The following BFSP1 variants were observed in gnomAD, a reference collection of about 807,000 sequenced individuals.
The protein encoded by BFSP1 is filensin.
A neutral mutation model predicts 43.9 loss-of-function variants in BFSP1; 38 were observed. The observed-to-expected ratio is 0.87, with a 90% confidence interval of 0.67 to 1.14. The LOEUF (loss-of-function observed/expected upper bound fraction) is 1.14. Ranked by LOEUF, BFSP1 falls within the 50% of genes most tolerant of loss-of-function variation. BFSP1 has a pLI of 0.00. For synonymous variants in BFSP1, 352 were observed against 354.8 expected (o/e 0.99, Z 0.09); for missense variants, 850 against 875.1 (o/e 0.97, Z 0.36).
At position 17,531,010 on chromosome 20, in the gene BFSP1, G is replaced by A; in HGVS notation, c.320C>T (p.Ala107Val). Reference protein sequence around the residue: ...QRVRDLEAERARLERQGTEAQ... With the variant: ...QRVRDLEAERVRLERQGTEAQ... ...CTCGGTGCCCTGGCGCTCCAGCCGG[G>A]CGCGCTCGGCCTCCAGGTCCCGGAC... is the stretch of plus-strand genomic sequence containing the variant. Residue 107 changes from alanine (A) to valine (V), a missense_variant, in exon 1 of 8, where the codon GCC (alanine) becomes GTC (valine). Coordinates refer to ENST00000377873, the MANE Select transcript of BFSP1 (RefSeq NM_001195.5). The A allele has an allele frequency of 1.4e-6, 2 of 1,435,824 alleles. No individual in the cohort carries two copies. Among genetic ancestry groups the A allele is most frequent in the South Asian group, 1.4e-5 (1 of 72,200 alleles). 88.9% of individuals were successfully genotyped at this position (1,435,824 alleles called of 1,614,324 possible).
At chr20:17,527,541 C>T (rs7262745) in intron 1 of BFSP1, among the ~76,000 whole-genome samples, 15,863 of 152,112 alleles carry the variant, frequency 0.1, 1,378 homozygotes, top group East Asian at 0.33. Flanking sequence ...TCCTGGCTAA[C>T]ACGGTGAAAC....
At chr20:17,560,195 T>C (rs374040835), upstream of BFSP1, among the ~76,000 whole-genome samples, 51 of 152,198 alleles carry the variant, frequency 3.4e-4, 1 homozygote, top group African/African-American at 1.2e-3. Flanking sequence ...CATATCTACA[T>C]CTATCTTATG....
rs777235074 is a variant in BFSP1 at position 17,494,378 on chromosome 20, C to T, written c.1694G>A (p.Arg565Gln). ...ACAGGGTCTCCTGGACTCTTCGTCC[C>T]GCTCCTCACCCTCACGTTTCTCTTC... is the stretch of plus-strand genomic sequence containing the variant. ...GPEEKREGEE[R>Q]DEESRRPCAM... Residue 565 changes from arginine (R) to glutamine (Q), a missense_variant, in exon 8 of 8, where the codon CGG (arginine) becomes CAG (glutamine). Transcript: ENST00000377873. 34 of 1,614,064 alleles carry T rather than the reference C, an allele frequency of 2.1e-5. No individual in the cohort carries two copies. The Middle Eastern group carries it at 6.6e-4, about 31-fold the overall frequency.
chr20:17,510,062 A>T (rs914403795), intron 4 of BFSP1, among the ~76,000 whole-genome samples: 3 of 152,214 alleles, frequency 2.0e-5, no homozygotes, highest in Non-Finnish European at 4.4e-5. Context: ...CAGGAAAGTG[A>T]CCGTCTAACT....
intron 2 of BFSP1, among the ~76,000 whole-genome samples, chr20:17,518,403 G>T (rs761932143): frequency 6.6e-6 from 1 of 152,110 alleles, no homozygotes; most frequent in Non-Finnish European, 1.5e-5. Flanking sequence ...CACATCCTGC[G>T]ACCCAGGGAC....
chr20:17,498,059 G>A (rs2033698060), intron 6 of BFSP1, among the ~76,000 whole-genome samples: 1 of 152,218 alleles, frequency 6.6e-6, no homozygotes, highest in South Asian at 2.1e-4. Flanking sequence ...AAGCATTCGA[G>A]TGCTCACAGC....
intron 1 of BFSP1, among the ~76,000 whole-genome samples, chr20:17,566,563 C>T (rs1249366210): frequency 2.0e-5 from 3 of 152,206 alleles, no homozygotes; most frequent in East Asian, 1.9e-4. Context: ...AAGTCACCAG[C>T]AGATTCAGTG....
chr20:17,547,125 G>A (rs781260883), intron 1 of BFSP1, among the ~76,000 whole-genome samples: 6 of 151,734 alleles, frequency 4.0e-5, no homozygotes, highest in African/African-American at 7.3e-5. Flanking sequence ...CCTTGAGTCC[G>A]GGAGTTTGAG....
intron 1 of BFSP1, among the ~76,000 whole-genome samples, chr20:17,557,882 A>G (rs2035019561): frequency 6.6e-6 from 1 of 152,220 alleles, no homozygotes; most frequent in Admixed American, 6.5e-5. Flanking sequence ...TAGTAAGTGG[A>G]TACAATGGCC....
At chr20:17,533,507 A>G (rs6044864), upstream of BFSP1, among the ~76,000 whole-genome samples, 17,949 of 152,272 alleles carry the variant, frequency 0.12, 1,140 homozygotes, top group African/African-American at 0.16. Context: ...TCTGCTCCCA[A>G]TGTCCCTCAA....
intron 1 of BFSP1, among the ~76,000 whole-genome samples, chr20:17,557,224 T>C (rs1310860322): frequency 1.3e-5 from 2 of 152,254 alleles, no homozygotes; most frequent in South Asian, 2.1e-4. Context: ...TTCTGCAGCA[T>C]TGATACCAGG....
At chr20:17,510,195 T>C (rs2034043950) in intron 4 of BFSP1, among the ~76,000 whole-genome samples, 1 of 152,186 alleles carries the variant, frequency 6.6e-6, no homozygotes, top group South Asian at 2.1e-4. Flanking sequence ...TCTGCCTCAG[T>C]GGGTCTGAGG....
At chr20:17,553,406 G>A (rs533160573) in intron 1 of BFSP1, among the ~76,000 whole-genome samples, 79 of 152,198 alleles carry the variant, frequency 5.2e-4, no homozygotes, top group African/African-American at 1.8e-3. Context: ...AATCCTCAAT[G>A]AAAGAACAAT....
chr20:17,532,235 T>C (rs1181786491), upstream of BFSP1, among the ~76,000 whole-genome samples: 1 of 150,850 alleles, frequency 6.6e-6, no homozygotes, highest in African/African-American at 2.5e-5. Flanking sequence ...TGAAACTCCG[T>C]CTCTACTAAA....
chr20:17,531,392 G>A, upstream of BFSP1: 1 of 1,277,560 alleles, frequency 7.8e-7, no homozygotes, highest in Non-Finnish European at 9.9e-7. Flanking sequence ...CCCCGGCGCA[G>A]CCCGCAGCCC....
rs945557726 is a variant in BFSP1, at chr20:17,525,912, T to C, written c.378-1004A>G. On this transcript the variant is annotated intron_variant, in intron 1 of 7. Transcript: ENST00000377873. The surrounding 1 kb of genome is among the most constrained non-coding windows in gnomAD (Gnocchi z 4.2). ...CTTCCAGATACCTTTAGTTAAGTAA[T>C]GGTGTATGTGTGCCCTTTGCTTCTC... Among the ~76,000 whole-genome samples, 2 of 152,008 alleles carry C rather than the reference T, an allele frequency of 1.3e-5. No individual in the cohort carries two copies. The highest frequency in any genetic ancestry group is 2.4e-5 in the African/African-American group (1 of 41,386).
At chr20:17,560,007 T>A (rs1265433917), upstream of BFSP1, among the ~76,000 whole-genome samples, 3 of 151,520 alleles carry the variant, frequency 2.0e-5, no homozygotes, top group East Asian at 5.9e-4. Context: ...TGGCTATCTG[T>A]TTTTGGTGTT....
chr20:17,494,115 T>A lies in BFSP1; in HGVS notation c.1957A>T (p.Thr653Ser). Residue 653 changes from threonine to serine, a missense_variant, in exon 8 of 8, where the codon ACA becomes TCA. Transcript: ENST00000377873. ...CCTGATTTCTTCTTGTCTGACTTTG[T>A]CTTTCCAATCATGGTCTCCACGATC... ...AVIVETMIGK[T>S]KSDKKKSGEK... 6 of 1,614,046 alleles carry A rather than the reference T, an allele frequency of 3.7e-6. No homozygotes were observed. Among genetic ancestry groups the A allele is most frequent in the Non-Finnish European group, 5.1e-6 (6 of 1,179,964 alleles).
intron 1 of BFSP1, among the ~76,000 whole-genome samples, chr20:17,566,126 A>C (rs1379200319): frequency 6.6e-6 from 1 of 151,766 alleles, no homozygotes; most frequent in Non-Finnish European, 1.5e-5. Flanking sequence ...TCAAAAAAAA[A>C]AAAAAAAAAA....
Sources: gnomAD v4.1 joint callset for allele counts (sites outside exome capture counted in the v4.1 genomes callset) on GRCh38, gnomAD v4.1.1 for gene constraint, Gnocchi (gnomAD v3.1) non-coding constraint, MANE v1.5 for transcripts, NCBI Gene and HGNC (gene_info 2026-07-23, HGNC 2026-07-21) for gene names.